OR3A2: variants seen among roughly 807,000 people sequenced by gnomAD.
OR3A2 encodes olfactory receptor family 3 subfamily A member 2.
For missense variants in OR3A2, 318 were observed against 392.8 expected, an observed-to-expected ratio of 0.81 and a Z score of 1.61; for synonymous variants, 126 against 159.3, an observed-to-expected ratio of 0.79 and a Z score of 1.57.
intron 3 of OR3A2, among the ~76,000 whole-genome samples, chr17:3,299,549 T>C (rs2048945968): frequency 6.6e-6 from 1 of 152,182 alleles, no homozygotes; most frequent in Admixed American, 6.5e-5. Context: ...CTCTTGGTGA[T>C]GAGGTTAATG....
chr17:3,294,386 G>A (rs1181020530), intron 3 of OR3A2, among the ~76,000 whole-genome samples: 2 of 151,948 alleles, frequency 1.3e-5, no homozygotes. Context: ...TGCAGGAACA[G>A]TATTTTAAAA....
intron 3 of OR3A2, chr17:3,310,103 C>T: frequency 3.0e-6 from 1 of 329,350 alleles, no homozygotes; most frequent in Non-Finnish European, 6.0e-6. Context: ...CTCTTGTTAC[C>T]CATTAAGAGT....
At chr17:3,385,802 T>C in intron 1 of OR3A2, 2 of 397,464 alleles carry the variant, frequency 5.0e-6, no homozygotes, top group Non-Finnish European at 8.9e-6. Context: ...CAGAAATTTG[T>C]ATATTTATAA....
intron 3 of OR3A2, among the ~76,000 whole-genome samples, chr17:3,323,382 G>A (rs191720273): frequency 1.3e-5 from 2 of 152,180 alleles, no homozygotes; most frequent in Non-Finnish European, 2.9e-5. Context: ...CGTTACGTGT[G>A]AATTTGATCT....
At chr17:3,312,275 GCCT>G (rs1262730616) in intron 3 of OR3A2, among the ~76,000 whole-genome samples, 1 of 151,972 alleles carries the variant, frequency 6.6e-6, no homozygotes, top group East Asian at 1.9e-4. Context: ...GAAATGTCTG[GCCT>G]CCTTTTTAGC....
intron 2 of OR3A2, among the ~76,000 whole-genome samples, chr17:3,352,028 C>T (rs933353757): frequency 1.3e-5 from 2 of 151,586 alleles, no homozygotes; most frequent in East Asian, 1.9e-4. Flanking sequence ...ATACAAAAAT[C>T]AATTCAAGAT....
At position 3,327,074 on chromosome 17, in the gene OR3A2, C is replaced by A. The variant is rs75413202; in HGVS notation, c.-85+8959G>T. On this transcript the variant is annotated intron_variant, in intron 3 of 4. Transcript: ENST00000573491. Reference sequence around the variant, plus strand: ...AATCCTTTGGGTATATATACCCAGTCATGGGATGGCTGGGTCAAATGGTAT... The same window carrying A: ...AATCCTTTGGGTATATATACCCAGTAATGGGATGGCTGGGTCAAATGGTAT... 7.5e-5 allele frequency among the ~76,000 whole-genome samples: 6 copies of A among 80,450 alleles called. 1 individual carries two copies. Among genetic ancestry groups the A allele is most frequent in the African/African-American group, 2.9e-4 (4 of 13,736 alleles). 52.8% of individuals were successfully genotyped at this position (80,450 alleles called of 152,430 possible).
chr17:3,306,697 C>CAAAAAAAAAT (rs1567549179), intron 3 of OR3A2, among the ~76,000 whole-genome samples: 2 of 142,774 alleles, frequency 1.4e-5, no homozygotes, highest in African/African-American at 5.5e-5. Flanking sequence ...AAAAAAAAAC[C>CAAAAAAAAAT]GTAACCCCTT....
intron 2 of OR3A2, among the ~76,000 whole-genome samples, chr17:3,342,144 T>A (rs2049324208): frequency 6.6e-6 from 1 of 152,180 alleles, no homozygotes; most frequent in African/African-American, 2.4e-5. Context: ...TCTACACTGT[T>A]TATTCTAGTT....
chr17:3,383,910 C>T (rs551379211), intron 1 of OR3A2: 6 of 151,612 alleles, frequency 4.0e-5, no homozygotes, highest in South Asian at 4.2e-4. Flanking sequence ...CTTCATTCAA[C>T]AAATATTTAT....
chr17:3,312,115 A>C (rs2049049257), intron 3 of OR3A2, among the ~76,000 whole-genome samples: 1 of 152,200 alleles, frequency 6.6e-6, no homozygotes, highest in African/African-American at 2.4e-5. Context: ...GCAAAAGCTT[A>C]GGTGAGAGAG....
intron 3 of OR3A2, among the ~76,000 whole-genome samples, chr17:3,325,436 C>T (rs1029373247): frequency 2.6e-5 from 4 of 152,002 alleles, no homozygotes; most frequent in Admixed American, 2.6e-4. Context: ...TCTCAAACTC[C>T]TGACCTCAGG....
intron 3 of OR3A2, among the ~76,000 whole-genome samples, chr17:3,300,485 G>A (rs76290714): frequency 0.027 from 4,051 of 152,172 alleles, 79 homozygotes; most frequent in Middle Eastern, 0.068. Flanking sequence ...CTTGAACCTG[G>A]GAGGCAGAGG....
At chr17:3,374,300 T>A (rs12601263) in intron 2 of OR3A2, among the ~76,000 whole-genome samples, 13,132 of 152,236 alleles carry the variant, frequency 0.086, 1,080 homozygotes, top group East Asian at 0.48. Context: ...CGCAATGAAT[T>A]TCCAGGGTGT....
At chr17:3,365,308 ATAATC>A (rs2049553093) in intron 2 of OR3A2, among the ~76,000 whole-genome samples, 1 of 152,228 alleles carries the variant, frequency 6.6e-6, no homozygotes, top group Admixed American at 6.5e-5. Flanking sequence ...TTAGGAAAAA[ATAATC>A]TGATCTGGTG....
At chr17:3,320,791 A>G (rs2049115046) in intron 3 of OR3A2, among the ~76,000 whole-genome samples, 1 of 152,066 alleles carries the variant, frequency 6.6e-6, no homozygotes, top group African/African-American at 2.4e-5. Context: ...GCCTTGCAGT[A>G]TAGTTGGAAG....
intron 3 of OR3A2, among the ~76,000 whole-genome samples, chr17:3,302,912 A>G (rs2048976090): frequency 6.6e-6 from 1 of 152,146 alleles, no homozygotes; most frequent in Non-Finnish European, 1.5e-5. Context: ...TTTCTATCTC[A>G]CTAGGCTGCC....
chr17:3,309,967 G>C (rs1273128153), intron 3 of OR3A2: 1 of 218,942 alleles, frequency 4.6e-6, no homozygotes, highest in Non-Finnish European at 9.2e-6. Flanking sequence ...ACCATCTGTA[G>C]ACTTGGGGTT....
intron 3 of OR3A2, among the ~76,000 whole-genome samples, chr17:3,330,096 T>G (rs536287253): frequency 4.1e-5 from 6 of 146,988 alleles, no homozygotes; most frequent in African/African-American, 1.6e-4. Context: ...ATAATCTCTG[T>G]TCTTTTACAT....
Sources: gnomAD v4.1 joint callset for allele counts (sites outside exome capture counted in the v4.1 genomes callset) on GRCh38, gnomAD v4.1.1 for gene constraint, MANE v1.5 for transcripts, NCBI Gene and HGNC (gene_info 2026-07-23, HGNC 2026-07-21) for gene names.